ITCH: variants seen among roughly 807,000 people sequenced by gnomAD.
ITCH encodes itchy E3 ubiquitin protein ligase.
ITCH carries 28 observed loss-of-function variants against 126.8 expected under a neutral mutation model. The observed-to-expected ratio is 0.22, with a 90% CI of 0.16 to 0.30. The LOEUF (loss-of-function observed/expected upper bound fraction) is 0.30, where lower values mean the gene tolerates loss of function less well. Ranked by LOEUF, ITCH falls within the 10% of genes least tolerant of loss-of-function variation. The pLI is 1.00. For missense variants in ITCH, 631 were observed against 1,032.4 expected, an observed-to-expected ratio of 0.61 and a Z score of 5.33; for synonymous variants, 342 against 340.0, an observed-to-expected ratio of 1.01 and a Z score of -0.06.
At chr20:34,370,973 C>T (rs2037602841) in intron 2 of ITCH, among the ~76,000 whole-genome samples, 1 of 151,840 alleles carries the variant, frequency 6.6e-6, no homozygotes, top group South Asian at 2.1e-4. Flanking sequence ...TCGAGACCAT[C>T]CTGGCTAACA....
intron 2 of ITCH, among the ~76,000 whole-genome samples, chr20:34,371,312 C>A (rs1416051319): frequency 7.9e-6 from 1 of 126,250 alleles, no homozygotes; most frequent in Non-Finnish European, 1.6e-5. Context: ...TGAGATGGAG[C>A]CTTCCCCAGG....
intron 4 of ITCH, among the ~76,000 whole-genome samples, chr20:34,411,475 A>G (rs558468332): frequency 2.6e-5 from 4 of 152,236 alleles, no homozygotes; most frequent in South Asian, 2.1e-4. Flanking sequence ...TCCTAATACA[A>G]TATATAATAT....
intron 23 of ITCH, among the ~76,000 whole-genome samples, chr20:34,494,691 G>T (rs1989738868): frequency 6.6e-6 from 1 of 152,102 alleles, no homozygotes; most frequent in South Asian, 2.1e-4. Flanking sequence ...AGGTGCAGTG[G>T]TTCACACCTG....
chr20:34,388,561 A>G (rs932386404), intron 2 of ITCH, among the ~76,000 whole-genome samples: 1 of 151,744 alleles, frequency 6.6e-6, no homozygotes. Context: ...ATTTATTTTT[A>G]TTTTCTGTAG....
intron 3 of ITCH, among the ~76,000 whole-genome samples, chr20:34,399,209 A>G (rs1314316073): frequency 1.3e-5 from 2 of 151,768 alleles, no homozygotes; most frequent in African/African-American, 2.4e-5. Context: ...CCTGAGCAAC[A>G]TGGAGAAACT....
intron 1 of ITCH, among the ~76,000 whole-genome samples, chr20:34,365,028 C>A (rs2037365291): frequency 6.6e-6 from 1 of 151,742 alleles, no homozygotes; most frequent in Admixed American, 6.6e-5. Context: ...CGTGAAACCC[C>A]GTCTCTACAA....
At chr20:34,495,896 G>A (rs1462627249) in intron 23 of ITCH, among the ~76,000 whole-genome samples, 1 of 129,900 alleles carries the variant, frequency 7.7e-6, no homozygotes, top group Non-Finnish European at 1.6e-5. Flanking sequence ...TCAACATAGT[G>A]AAACCCTGTC....
At chr20:34,420,887 G>A (rs528151803) in intron 6 of ITCH, among the ~76,000 whole-genome samples, 3 of 152,152 alleles carry the variant, frequency 2.0e-5, no homozygotes, top group Admixed American at 2.0e-4. Flanking sequence ...TCTGCTAGTT[G>A]CTAGGGTGTA....
chr20:34,413,924 A>G, intron 6 of ITCH, 45 bp downstream of exon 6: 1 of 1,486,390 alleles, frequency 6.7e-7, no homozygotes, highest in Non-Finnish European at 9.4e-7. Context: ...CTTCTTAAAT[A>G]AAATAGCCAT....
intron 2 of ITCH, among the ~76,000 whole-genome samples, chr20:34,380,164 G>A (rs755525186): frequency 2.4e-4 from 37 of 151,980 alleles, no homozygotes; most frequent in Non-Finnish European, 3.1e-4. Flanking sequence ...GAGCCACTGC[G>A]CCTGGCCAAT....
At chr20:34,392,472 T>G (rs928205998) in intron 2 of ITCH, among the ~76,000 whole-genome samples, 11 of 152,194 alleles carry the variant, frequency 7.2e-5, no homozygotes, top group Middle Eastern at 3.2e-3. Context: ...AGGTTGGATT[T>G]TATAGGGTTC....
chr20:34,426,167 T>G (rs1981488791), intron 7 of ITCH, among the ~76,000 whole-genome samples: 1 of 152,240 alleles, frequency 6.6e-6, no homozygotes, highest in African/African-American at 2.4e-5. Context: ...ATTTGATTCT[T>G]TGTTTTTCTC....
intron 9 of ITCH, among the ~76,000 whole-genome samples, chr20:34,441,424 ATTTTTTGTTTG>A (rs902976575): frequency 3.3e-5 from 5 of 151,902 alleles, no homozygotes; most frequent in Middle Eastern, 3.4e-3. Flanking sequence ...TTTCTTGTTT[ATTTTTTGTTTG>A]TTTGTTTGAG....
chr20:34,485,203 A>G (rs1989019754), intron 20 of ITCH, among the ~76,000 whole-genome samples: 1 of 152,142 alleles, frequency 6.6e-6, no homozygotes, highest in Admixed American at 6.5e-5. Flanking sequence ...TTGGTGATAA[A>G]TGTTTTGGTT....
chr20:34,443,690 T>C, intron 10 of ITCH, among the ~76,000 whole-genome samples: 1 of 152,102 alleles, frequency 6.6e-6, no homozygotes, highest in Admixed American at 6.6e-5. Flanking sequence ...TTTACGTTGT[T>C]AGTTGCTGCC....
intron 10 of ITCH, 25 bp downstream of exon 10, chr20:34,442,328 T>A (rs377505748): frequency 2.7e-6 from 4 of 1,472,670 alleles, no homozygotes; most frequent in Middle Eastern, 1.8e-4. Flanking sequence ...TTAAAAAGAA[T>A]AATTTTATTT....
At chr20:34,378,986 G>A (rs1238276935) in intron 2 of ITCH, among the ~76,000 whole-genome samples, 1 of 151,994 alleles carries the variant, frequency 6.6e-6, no homozygotes, top group Non-Finnish European at 1.5e-5. Flanking sequence ...ATTTTTTTCT[G>A]TTCTTAAGTT....
At chr20:34,398,692 C>T (rs1296708343) in intron 3 of ITCH, among the ~76,000 whole-genome samples, 1 of 152,192 alleles carries the variant, frequency 6.6e-6, no homozygotes, top group Non-Finnish European at 1.5e-5. Flanking sequence ...GCCACCGCGC[C>T]TGGCCTTAAA....
chr20:34,446,353 T>G (rs1314500344), intron 11 of ITCH, among the ~76,000 whole-genome samples: 1 of 152,176 alleles, frequency 6.6e-6, no homozygotes, highest in East Asian at 1.9e-4. Flanking sequence ...AAACAGCACC[T>G]TTCGTATTCC....
Sources: allele counts gnomAD v4.1 joint callset (sites outside exome capture counted in the v4.1 genomes callset), GRCh38; gene constraint gnomAD v4.1.1; transcripts MANE v1.5; gene names NCBI Gene and HGNC (gene_info 2026-07-23, HGNC 2026-07-21).